KIAA0825: variants seen among roughly 807,000 people sequenced by gnomAD.
KIAA0825 encodes uncharacterized protein KIAA0825.
Under a neutral mutation model 147.6 loss-of-function variants are expected in KIAA0825, and 119 were observed. That is an observed-to-expected ratio of 0.81 (90% CI 0.69 to 0.94). The LOEUF (loss-of-function observed/expected upper bound fraction) is 0.94. KIAA0825 is among the 40% of genes least tolerant of loss of function. The pLI, the probability that KIAA0825 is intolerant of heterozygous loss-of-function variation, is 0.00. For synonymous variants in KIAA0825, 470 were observed against 518.1 expected, an observed-to-expected ratio of 0.91 and a Z score of 1.26; for missense variants, 1,381 against 1,472.7, an observed-to-expected ratio of 0.94 and a Z score of 1.02.
In KIAA0825 at chr5:94,406,084, G is replaced by A. The variant is rs182743221; in HGVS notation, c.2663-2291C>T. ...TGGGATTACAGGCATGCGCCACCAC[G>A]CCTGGCTAATTTTTGTATGTTTAGT... On this transcript the variant is annotated intron_variant, in intron 15 of 20. Coordinates refer to ENST00000682413, the MANE Select transcript of KIAA0825 (RefSeq NM_001145678.3). Among the ~76,000 whole-genome samples the A allele has an allele frequency of 4.2e-3, 641 of 152,014 alleles. 6 individuals are homozygous for A. Among genetic ancestry groups the A allele is most frequent in the Middle Eastern group, 0.02 (6 of 294 alleles).
At chr5:94,312,338 A>T (rs1779262391) in intron 20 of KIAA0825, among the ~76,000 whole-genome samples, 4 of 151,656 alleles carry the variant, frequency 2.6e-5, no homozygotes, top group African/African-American at 9.7e-5. Context: ...TAGCTTATGA[A>T]ATTCCCAAGT....
At chr5:94,363,893 T>G (rs1745428385) in intron 20 of KIAA0825, among the ~76,000 whole-genome samples, 1 of 151,948 alleles carries the variant, frequency 6.6e-6, no homozygotes, top group African/African-American at 2.4e-5. Context: ...ATAAATGAAT[T>G]AACAACGCCT....
At chr5:94,174,181 T>C (rs1443571815) in intron 20 of KIAA0825, among the ~76,000 whole-genome samples, 5 of 152,150 alleles carry the variant, frequency 3.3e-5, no homozygotes, top group African/African-American at 9.7e-5. Flanking sequence ...TAGTACTCTG[T>C]AAGTTAAAAA....
At chr5:94,317,019 T>A (rs1424178908) in intron 20 of KIAA0825, among the ~76,000 whole-genome samples, 1 of 151,524 alleles carries the variant, frequency 6.6e-6, no homozygotes, top group African/African-American at 2.4e-5. Context: ...AAAGCAGGAG[T>A]GTCTTTGTTT....
chr5:94,536,462 C>G (rs978030285), intron 3 of KIAA0825, among the ~76,000 whole-genome samples: 1 of 152,090 alleles, frequency 6.6e-6, no homozygotes, highest in African/African-American at 2.4e-5. Context: ...TCCTTTCTAC[C>G]AAAGAACACG....
chr5:94,417,741 T>A (rs29907), intron 14 of KIAA0825, among the ~76,000 whole-genome samples: 17,706 of 152,108 alleles, frequency 0.12, 1,184 homozygotes, highest in East Asian at 0.26. Context: ...TCTAAAAAAA[T>A]TTTTTTGTAA....
At chr5:94,163,139 T>A (rs1767728340) in intron 20 of KIAA0825, among the ~76,000 whole-genome samples, 1 of 152,196 alleles carries the variant, frequency 6.6e-6, no homozygotes, top group African/African-American at 2.4e-5. Context: ...ACAACCTTTT[T>A]AAAAATGAGA....
intron 7 of KIAA0825, among the ~76,000 whole-genome samples, chr5:94,475,211 C>T (rs1328322478): frequency 3.3e-5 from 5 of 152,014 alleles, no homozygotes; most frequent in East Asian, 3.9e-4. Context: ...CCTTGGGACA[C>T]ATTTATGAAA....
At chr5:94,482,100 C>T (rs1284805073) in intron 6 of KIAA0825, among the ~76,000 whole-genome samples, 3 of 151,894 alleles carry the variant, frequency 2.0e-5, no homozygotes, top group Non-Finnish European at 4.4e-5. Context: ...AGAAAACCAT[C>T]GAATCATGAC....
intron 20 of KIAA0825, among the ~76,000 whole-genome samples, chr5:94,176,532 TAA>T (rs1235189560): frequency 1.3e-5 from 2 of 152,138 alleles, no homozygotes; most frequent in Non-Finnish European, 2.9e-5. Flanking sequence ...AACTTTGTTG[TAA>T]AGTCAGTCAT....
At chr5:94,535,743 G>T (rs187640565) in intron 3 of KIAA0825, among the ~76,000 whole-genome samples, 1 of 152,108 alleles carries the variant, frequency 6.6e-6, no homozygotes, top group Non-Finnish European at 1.5e-5. Context: ...GTTGCCTGTT[G>T]CAATTTGCAA....
chr5:94,568,868 CA>C, intron 2 of KIAA0825: 1 of 159,092 alleles, frequency 6.3e-6, no homozygotes, highest in Non-Finnish European at 1.4e-5. Flanking sequence ...CACCTCAACT[CA>C]AAAAGGCATA....
At chr5:94,489,741 C>T (rs536091789) in intron 5 of KIAA0825, among the ~76,000 whole-genome samples, 1 of 151,652 alleles carries the variant, frequency 6.6e-6, no homozygotes, top group Non-Finnish European at 1.5e-5. Flanking sequence ...CAAAAATTAG[C>T]CAGGCGTGGT....
At chr5:94,579,842 A>G (rs1185156532) in intron 2 of KIAA0825, among the ~76,000 whole-genome samples, 1 of 152,208 alleles carries the variant, frequency 6.6e-6, no homozygotes, top group Non-Finnish European at 1.5e-5. Context: ...ATGATTTTAA[A>G]TATTTGTTCA....
At chr5:94,502,301 A>C (rs1765190337) in intron 5 of KIAA0825, among the ~76,000 whole-genome samples, 2 of 152,206 alleles carry the variant, frequency 1.3e-5, no homozygotes, top group Admixed American at 1.3e-4. Flanking sequence ...GCAAGTCAAC[A>C]ATCTATTAAG....
At chr5:94,503,212 A>G (rs1387172020) in intron 5 of KIAA0825, among the ~76,000 whole-genome samples, 2 of 151,948 alleles carry the variant, frequency 1.3e-5, no homozygotes, top group African/African-American at 4.8e-5. Context: ...TCCTGTTCCC[A>G]CAATGTAAAT....
chr5:94,259,362 C>G (rs577221328), intron 20 of KIAA0825, among the ~76,000 whole-genome samples: 2 of 152,126 alleles, frequency 1.3e-5, no homozygotes, highest in Non-Finnish European at 2.9e-5. Flanking sequence ...TGATCATCTT[C>G]CCAGTTTATT....
At chr5:94,452,891 A>C (rs1239772127) in intron 13 of KIAA0825, 68 bp downstream of exon 13, 2 of 861,124 alleles carry the variant, frequency 2.3e-6, no homozygotes, top group African/African-American at 3.6e-5. Context: ...ATCCATTGAT[A>C]AAAATTTCTA....
intron 2 of KIAA0825, chr5:94,569,704 A>G: frequency 3.2e-6 from 1 of 316,748 alleles, no homozygotes; most frequent in Non-Finnish European, 5.9e-6. Context: ...CCATACACTA[A>G]TCACCAGATG....
Sources: allele counts gnomAD v4.1 joint callset (sites outside exome capture counted in the v4.1 genomes callset), GRCh38; gene constraint gnomAD v4.1.1; transcripts MANE v1.5; gene names NCBI Gene and HGNC (gene_info 2026-07-23, HGNC 2026-07-21).